Variants in GSE1 observed in about 807,000 individuals in gnomAD.
The protein encoded by GSE1 is genetic suppressor element 1.
In GSE1, 32 loss-of-function variants were observed where a neutral mutation model predicts 112.6. The ratio of observed to expected loss-of-function variants is 0.28; its 90% CI spans 0.21 to 0.38. GSE1 has a LOEUF of 0.38. GSE1 is among the 10% of genes least tolerant of loss of function. The pLI is 1.00. For missense variants in GSE1, 2,348 were observed against 1,699.2 expected (o/e 1.38, Z -6.71); for synonymous variants, 1,115 against 735.6 (o/e 1.52, Z -8.35).
intron 2 of GSE1, among the ~76,000 whole-genome samples, chr16:85,426,026 A>G (rs1005530604): frequency 4.0e-3 from 147 of 36,494 alleles, no homozygotes; most frequent in African/African-American, 8.1e-3. Context: ...ATGAATGGAA[A>G]ATGGATGGAT....
At chr16:85,230,389 G>T (rs1035392839) in intron 1 of GSE1, among the ~76,000 whole-genome samples, 1 of 152,092 alleles carries the variant, frequency 6.6e-6, no homozygotes, top group African/African-American at 2.4e-5. Flanking sequence ...TGTTACCCAC[G>T]CCCCTTTCTT....
chr16:85,607,606 C>G (rs145216627), upstream of GSE1, among the ~76,000 whole-genome samples: 1 of 152,146 alleles, frequency 6.6e-6, no homozygotes, highest in Admixed American at 6.5e-5. Flanking sequence ...CTTTCCTGTT[C>G]CCCTAGAGGT....
At chr16:85,463,165 G>T (rs1403282469) in intron 2 of GSE1, 1 of 967,160 alleles carries the variant, frequency 1.0e-6, no homozygotes, top group African/African-American at 1.8e-5. Flanking sequence ...GGGAGGGTGG[G>T]GGGTCCGGGA....
chr16:85,643,898 G>C (rs141467371), intron 2 of GSE1, among the ~76,000 whole-genome samples: 1 of 152,062 alleles, frequency 6.6e-6, no homozygotes, highest in Admixed American at 6.5e-5. Context: ...GTGGGGTGGC[G>C]GCTCTCGGTG....
At chr16:85,392,974 T>A (rs898091261) in intron 2 of GSE1, among the ~76,000 whole-genome samples, 1 of 152,192 alleles carries the variant, frequency 6.6e-6, no homozygotes, top group Non-Finnish European at 1.5e-5. Context: ...CCCTGCCTCT[T>A]TGGGCTCGGC....
At chr16:85,531,840 A>T (rs1271633348) in intron 2 of GSE1, among the ~76,000 whole-genome samples, 1 of 152,120 alleles carries the variant, frequency 6.6e-6, no homozygotes, top group African/African-American at 2.4e-5. Context: ...ACACAAACCC[A>T]ACTGTGGACT....
chr16:85,246,461 C>A (rs1478364751), intron 1 of GSE1, among the ~76,000 whole-genome samples: 4 of 96,638 alleles, frequency 4.1e-5, no homozygotes, highest in Non-Finnish European at 7.4e-5. Context: ...ACACACACAC[C>A]CCACACGCTG....
chr16:85,272,689 G>T (rs865876237), intron 1 of GSE1, among the ~76,000 whole-genome samples: 32 of 152,060 alleles, frequency 2.1e-4, no homozygotes, highest in African/African-American at 7.2e-4. Context: ...ACCCACAGGA[G>T]AAAAGAGAAC....
In GSE1 at chr16:85,203,480, A is replaced by G. The variant is rs370572108; in HGVS notation, c.2283+31673A>G. Among the ~76,000 whole-genome samples, 4 of 152,096 alleles carry G rather than the reference A, an allele frequency of 2.6e-5. No individual in the cohort carries two copies. In the South Asian group the frequency reaches 8.3e-4, roughly 31 times the overall value. Reference sequence around the variant, plus strand: ...GGCCCCTCAGGGAGGGGTTGGATGGAGGGAGACCCTGCTCGCTCTTTCGTG... The same window carrying G: ...GGCCCCTCAGGGAGGGGTTGGATGGGGGGAGACCCTGCTCGCTCTTTCGTG... On this transcript the variant is annotated intron_variant, in intron 1 of 2. Coordinates refer to the GSE1 transcript ENST00000637419.
chr16:85,656,448 C>CAA lies in GSE1; in HGVS notation c.1095_1096insAA (p.Glu366LysfsTer68). On this transcript the variant is annotated frameshift_variant, in exon 7 of 16. Transcript: ENST00000253458. LOFTEE classifies it high-confidence loss of function. ...GGGAGAAGGAACGTGAGCGCGAACG[C>CAA]GAGAAGGAGCGCGAGCAAGAGAAGG... The CAA allele has an allele frequency of 6.5e-7, 1 of 1,549,710 alleles. No homozygotes were observed. The highest frequency in any genetic ancestry group is 8.8e-7 in the Non-Finnish European group (1 of 1,142,208).
chr16:85,587,296 C>T (rs6540278), intron 1 of GSE1, among the ~76,000 whole-genome samples: 122,089 of 152,146 alleles, frequency 0.8, 49,319 homozygotes, highest in Non-Finnish European at 0.86. Flanking sequence ...TAGCAGATGG[C>T]GCTGGTATTA....
intron 1 of GSE1, among the ~76,000 whole-genome samples, chr16:85,601,202 G>A (rs1178602001): frequency 6.6e-6 from 1 of 151,930 alleles, no homozygotes; most frequent in East Asian, 1.9e-4. Flanking sequence ...CCCTAGTGCA[G>A]TCGTGAGGGC....
chr16:85,668,215 A>G lies in GSE1; in HGVS notation c.3206A>G (p.Gln1069Arg). ...GTCCACTACAACATTCCTGAGCTGC[A>G]GTCCTCCAGCCGCGCCCCTCCACCC... is the stretch of plus-strand genomic sequence containing the variant. ...TSVHYNIPEL[Q>R]SSSRAPPPQH... The change falls in exon 14 of 16, where the codon CAG becomes CGG. Residue 1069 changes from glutamine (Q) to arginine (R), a missense_variant. Coordinates refer to ENST00000253458, the MANE Select transcript of GSE1 (RefSeq NM_014615.5). The G allele has an allele frequency of 6.2e-7, 1 of 1,611,108 alleles. No homozygotes were observed. Among genetic ancestry groups the G allele is most frequent in the Non-Finnish European group, 8.5e-7 (1 of 1,177,354 alleles).
At chr16:85,381,782 C>G (rs7200418) in intron 2 of GSE1, among the ~76,000 whole-genome samples, 1 of 152,174 alleles carries the variant, frequency 6.6e-6, no homozygotes, top group African/African-American at 2.4e-5. Flanking sequence ...GCAAATCACT[C>G]CTCAGGATGC....
rs895816543 is a variant in GSE1 at position 85,676,152 on chromosome 16, A to T, written c.*3613A>T. ...GTAGTAATTAGGTATTTATGAATAT[A>T]TTGCTGTAATTTCTGACAACATCCA... is the stretch of plus-strand genomic sequence containing the variant. On this transcript the variant is annotated 3_prime_UTR_variant, in exon 16 of 16. Coordinates refer to ENST00000253458, the MANE Select transcript of GSE1 (RefSeq NM_014615.5). The T allele has an allele frequency of 6.6e-6, 1 of 152,668 alleles. No homozygotes were observed. The highest frequency in any genetic ancestry group is 1.5e-5 in the Non-Finnish European group (1 of 68,048). 9.5% of individuals were successfully genotyped at this position (152,668 alleles called of 1,614,324 possible).
chr16:85,354,633 A>T (rs949841684), intron 1 of GSE1, among the ~76,000 whole-genome samples: 3 of 152,168 alleles, frequency 2.0e-5, no homozygotes, highest in African/African-American at 7.2e-5. Flanking sequence ...AGGGGTCGAG[A>T]CTGGGGCATG....
At position 85,662,980 on chromosome 16, in the gene GSE1, G is replaced by A; in HGVS notation, c.2261-1G>A. The A allele has an allele frequency of 6.3e-7, 1 of 1,583,206 alleles. No homozygotes were observed. The highest frequency in any genetic ancestry group is 8.7e-7 in the Non-Finnish European group (1 of 1,153,014). ...GCTGAATACAACCATTTCTCCATCAGGGTACTACTACGACCTCGATGACTC... is the reference window on the plus strand; with the variant it reads ...GCTGAATACAACCATTTCTCCATCAAGGTACTACTACGACCTCGATGACTC... On this transcript the variant is annotated splice_acceptor_variant, in intron 9 of 15. Transcript: ENST00000253458. LOFTEE classifies it high-confidence loss of function.
intron 1 of GSE1, among the ~76,000 whole-genome samples, chr16:85,294,427 G>A (rs1174459684): frequency 1.3e-5 from 2 of 152,174 alleles, no homozygotes; most frequent in East Asian, 3.9e-4. Context: ...TTCCATGGGT[G>A]ACATTTGTTC....
At chr16:85,597,975 T>C (rs2047304607) in intron 1 of GSE1, among the ~76,000 whole-genome samples, 1 of 152,222 alleles carries the variant, frequency 6.6e-6, no homozygotes, top group South Asian at 2.1e-4. Context: ...GGTGTCCTGC[T>C]TCTTGTGGAA....
Sources: gnomAD v4.1 joint callset for allele counts (sites outside exome capture counted in the v4.1 genomes callset) on GRCh38, gnomAD v4.1.1 for gene constraint, MANE v1.5 for transcripts, NCBI Gene and HGNC (gene_info 2026-07-23, HGNC 2026-07-21) for gene names.